NLGN1: variants seen among roughly 807,000 people sequenced by gnomAD.
NLGN1 encodes the protein neuroligin 1.
Under a neutral mutation model 65.5 loss-of-function variants are expected in NLGN1, and 12 were observed. The ratio of observed to expected loss-of-function variants is 0.18; its 90% CI spans 0.12 to 0.30. NLGN1 has a LOEUF of 0.30. Ranked by LOEUF, NLGN1 falls within the 10% of genes least tolerant of loss-of-function variation. The probability of loss-of-function intolerance (pLI) is 1.00; values close to 1 mark genes in which losing one functional copy is unlikely to be tolerated. For synonymous variants in NLGN1, 350 were observed against 359.5 expected, an observed-to-expected ratio of 0.97 and a Z score of 0.30; for missense variants, 750 against 1,007.1, an observed-to-expected ratio of 0.74 and a Z score of 3.46.
intron 4 of NLGN1, among the ~76,000 whole-genome samples, chr3:174,063,719 A>G (rs1190166886): frequency 1.3e-5 from 2 of 152,178 alleles, no homozygotes; most frequent in Admixed American, 1.3e-4. Flanking sequence ...AGAAAGAGAC[A>G]GATTAAGAGA....
chr3:173,979,410 G>A (rs888463962), intron 4 of NLGN1, among the ~76,000 whole-genome samples: 6 of 152,072 alleles, frequency 3.9e-5, no homozygotes, highest in African/African-American at 1.4e-4. Context: ...GAAATTTAGA[G>A]TACATGTTTT....
At chr3:173,540,635 C>A (rs1738700541) in intron 2 of NLGN1, among the ~76,000 whole-genome samples, 1 of 152,102 alleles carries the variant, frequency 6.6e-6, no homozygotes, top group South Asian at 2.1e-4. Context: ...GAAGTGCAGC[C>A]CTGCCATGTT....
intron 3 of NLGN1, among the ~76,000 whole-genome samples, chr3:173,751,335 T>C (rs1212477497): frequency 6.6e-6 from 1 of 152,116 alleles, no homozygotes; most frequent in African/African-American, 2.4e-5. Flanking sequence ...AGTATGTTTA[T>C]CAATTATTTA....
chr3:173,848,082 A>T (rs897595859), intron 4 of NLGN1, among the ~76,000 whole-genome samples: 2 of 152,278 alleles, frequency 1.3e-5, no homozygotes, highest in Admixed American at 6.5e-5. Context: ...GGTTCAGATT[A>T]TAGAGTCTCC....
chr3:173,734,786 T>C (rs149582699), intron 3 of NLGN1, among the ~76,000 whole-genome samples: 36 of 152,206 alleles, frequency 2.4e-4, no homozygotes, highest in African/African-American at 8.7e-4. Context: ...TTTTCCTCAG[T>C]AGGAATTTTC....
At chr3:173,444,744 A>G (rs1351580608) in intron 2 of NLGN1, among the ~76,000 whole-genome samples, 1 of 152,066 alleles carries the variant, frequency 6.6e-6, no homozygotes, top group African/African-American at 2.4e-5. Context: ...ATATATACAC[A>G]TATATACATA....
intron 4 of NLGN1, among the ~76,000 whole-genome samples, chr3:174,210,396 A>G (rs1736237349): frequency 6.6e-6 from 1 of 152,208 alleles, no homozygotes; most frequent in Admixed American, 6.5e-5. Context: ...TATTTATACA[A>G]CAAATATTTG....
At chr3:174,098,553 C>A (rs1711633821) in intron 4 of NLGN1, among the ~76,000 whole-genome samples, 1 of 152,152 alleles carries the variant, frequency 6.6e-6, no homozygotes, top group Non-Finnish European at 1.5e-5. Context: ...GGATGTCTAG[C>A]AGTCTCATCT....
chr3:173,628,904 G>GCGTGTAATCCCA (rs1755218936), intron 3 of NLGN1, among the ~76,000 whole-genome samples: 3 of 152,006 alleles, frequency 2.0e-5, no homozygotes, highest in African/African-American at 7.2e-5. Context: ...ATGTTGGCCA[G>GCGTGTAATCCCA]GCTGGTCTCG....
At chr3:173,654,715 G>A (rs1177406518) in intron 3 of NLGN1, among the ~76,000 whole-genome samples, 4 of 152,086 alleles carry the variant, frequency 2.6e-5, no homozygotes, top group African/African-American at 4.8e-5. Flanking sequence ...ACATTTTGAA[G>A]CATTTTCCTT....
chr3:174,195,523 G>A (rs1733247614), intron 4 of NLGN1, among the ~76,000 whole-genome samples: 1 of 152,180 alleles, frequency 6.6e-6, no homozygotes, highest in Admixed American at 6.5e-5. Context: ...CTGTGTATGA[G>A]ATTGCTCCTC....
intron 2 of NLGN1, among the ~76,000 whole-genome samples, chr3:173,459,612 G>A (rs993951759): frequency 6.6e-6 from 1 of 151,910 alleles, no homozygotes; most frequent in Non-Finnish European, 1.5e-5. Flanking sequence ...AGTTTTTTCC[G>A]GGTTCACATT....
intron 4 of NLGN1, among the ~76,000 whole-genome samples, chr3:174,142,141 T>C (rs1380049046): frequency 6.6e-6 from 1 of 152,206 alleles, no homozygotes; most frequent in Non-Finnish European, 1.5e-5. Flanking sequence ...ATATATAGTA[T>C]CATTTTGTAT....
intron 3 of NLGN1, among the ~76,000 whole-genome samples, chr3:173,696,244 C>T (rs1469695340): frequency 1.3e-5 from 2 of 152,264 alleles, no homozygotes; most frequent in East Asian, 1.9e-4. Flanking sequence ...GGATTTTGCC[C>T]TCCGAAGGTT....
intron 4 of NLGN1, among the ~76,000 whole-genome samples, chr3:173,995,056 T>A (rs1283845263): frequency 6.6e-6 from 1 of 152,224 alleles, no homozygotes; most frequent in Non-Finnish European, 1.5e-5. Flanking sequence ...AGAATTCATT[T>A]TTCCTGCTGC....
intron 4 of NLGN1, among the ~76,000 whole-genome samples, chr3:173,879,780 T>C (rs1265823713): frequency 6.6e-6 from 1 of 152,186 alleles, no homozygotes; most frequent in African/African-American, 2.4e-5. Context: ...TTGTTCAATG[T>C]CTTCAGATAG....
chr3:174,006,733 T>G (rs1458365830), intron 4 of NLGN1, among the ~76,000 whole-genome samples: 2 of 152,102 alleles, frequency 1.3e-5, no homozygotes, highest in Non-Finnish European at 2.9e-5. Flanking sequence ...AATGAGGCTG[T>G]TAGGGTGTGC....
intron 3 of NLGN1, among the ~76,000 whole-genome samples, chr3:173,734,433 G>T (rs1027728949): frequency 1.7e-5 from 2 of 116,954 alleles, no homozygotes; most frequent in South Asian, 5.2e-4. Flanking sequence ...GTTTCACCCT[G>T]TGGCCCAGGC....
intron 4 of NLGN1, among the ~76,000 whole-genome samples, chr3:173,871,410 T>C (rs1731142598): frequency 1.3e-5 from 2 of 152,202 alleles, no homozygotes; most frequent in Admixed American, 6.5e-5. Flanking sequence ...AGTATGAAAT[T>C]AAATGTTTAC....
Sources: gnomAD v4.1 joint callset for allele counts (sites outside exome capture counted in the v4.1 genomes callset) on GRCh38, gnomAD v4.1.1 for gene constraint, MANE v1.5 for transcripts, NCBI Gene and HGNC (gene_info 2026-07-23, HGNC 2026-07-21) for gene names.